The following DNAH10 variants were observed in gnomAD, a reference collection of about 807,000 sequenced individuals.
The protein encoded by DNAH10 is dynein axonemal heavy chain 10.
A neutral mutation model predicts 506.6 loss-of-function variants in DNAH10; 348 were observed. The ratio of observed to expected loss-of-function variants is 0.69; its 90% CI spans 0.63 to 0.75. DNAH10 has a LOEUF of 0.75. Among genes scored for constraint, DNAH10 ranks in the 30% least tolerant of loss-of-function variants. The pLI, the probability that DNAH10 is intolerant of heterozygous loss-of-function variation, is 0.00. For synonymous variants in DNAH10, 2,059 were observed against 2,198.6 expected (o/e 0.94, Z 1.78); for missense variants, 5,179 against 5,787.1 (o/e 0.89, Z 3.41).
At chr12:123,927,618 T>G (rs1268174179) in intron 69 of DNAH10, 1 of 152,410 alleles carries the variant, frequency 6.6e-6, no homozygotes, top group East Asian at 1.9e-4. Flanking sequence ...TTCAGTACAA[T>G]GTGGGACAAA....
chr12:123,814,061 T>C (rs1169469894), intron 21 of DNAH10, 149 bp downstream of exon 21: 1 of 685,618 alleles, frequency 1.5e-6, no homozygotes, highest in East Asian at 3.0e-5. Flanking sequence ...GCAATGCCAC[T>C]GTTATTTAGA....
At position 123,841,198 on chromosome 12, in the gene DNAH10, G is replaced by A. The variant is rs918562144; in HGVS notation, c.5137-124G>A. On this transcript the variant is annotated intron_variant, in intron 29 of 78. Coordinates refer to ENST00000673944, the MANE Select transcript of DNAH10 (RefSeq NM_001372106.1). ...GGTGAACGACATCCATCTTGCCTGC[G>A]ATCTCGGCTCACCGGTTGCCATTGC... 1.5e-5 allele frequency: 14 copies of A among 960,852 alleles called. No individual in the cohort carries two copies. The East Asian group carries it at 1.9e-4, about 13-fold the overall frequency. 59.5% of individuals were successfully genotyped at this position (960,852 alleles called of 1,614,324 possible).
intron 5 of DNAH10, among the ~76,000 whole-genome samples, chr12:123,779,035 G>T (rs1302314375): frequency 6.6e-6 from 1 of 152,006 alleles, no homozygotes; most frequent in Non-Finnish European, 1.5e-5. Context: ...GAGTAGCTGG[G>T]ACTAGAGAGA....
At position 123,918,687 on chromosome 12, in the gene DNAH10, A is replaced by G; in HGVS notation, c.11244A>G (p.Lys3748=). Residue 3748 remains lysine, a synonymous_variant, in exon 65 of 79, where the codon AAA becomes AAG. Coordinates refer to ENST00000673944, the MANE Select transcript of DNAH10 (RefSeq NM_001372106.1). ...TKSKATEVSE[K]LKLAEKTALD... ...GTGCTTTTCTTCAGGTCTCAGAGAA[A>G]CTCAAGCTGGCGGAGAAGACAGCCT... 1 of 1,553,720 alleles carries G rather than the reference A, an allele frequency of 6.4e-7. No homozygotes were observed. Among genetic ancestry groups the G allele is most frequent in the African/African-American group, 1.4e-5 (1 of 73,370 alleles).
rs551803462 is a variant in DNAH10 at position 123,923,801 on chromosome 12, A to G, written c.11545A>G (p.Met3849Val). Residue 3849 changes from methionine (M) to valine (V), a missense_variant, in exon 66 of 79, where the codon ATG becomes GTG. Around this residue, in one of 3 missense-constraint regions of DNAH10, gnomAD observed 4,844 missense variants for 5,430.5 expected, o/e 0.89. Transcript: ENST00000673944. ...GCACAAGCTACTCTTTTCTTTTAAT[A>G]TGACCATCAAGATAGAACAAGCAGA... ...ERHKLLFSFN[M>V]TIKIEQAEGR... 4 of 1,612,798 alleles carry G rather than the reference A, an allele frequency of 2.5e-6. No individual in the cohort carries two copies. In the East Asian group the frequency reaches 6.7e-5, roughly 27 times the overall value.
At position 123,919,073 on chromosome 12, in the gene DNAH10, CTTTCTTTT is replaced by C. The variant is rs1395691671; in HGVS notation, c.11506+126_11506+133del. 7.2e-6 allele frequency: 9 copies of C among 1,244,142 alleles called. No individual in the cohort carries two copies. The African/African-American group carries it at 1.4e-4, about 19-fold the overall frequency. 77.1% of individuals were successfully genotyped at this position (1,244,142 alleles called of 1,614,324 possible). On this transcript the variant is annotated intron_variant, in intron 65 of 78. Coordinates refer to ENST00000673944, the MANE Select transcript of DNAH10 (RefSeq NM_001372106.1). This position sits in a 1 kb window ranked among gnomAD's most constrained non-coding sequence, Gnocchi z 4.9. ...AGCATTTTTTCTTTTTTCTTTCTTT[CTTTCTTTT>C]TCTTTTTTTTTTGAGATAGGGTCTT...
chr12:123,909,979 C>T lies in DNAH10; in HGVS notation c.9997+537C>T, dbSNP rs557527029. The stretch of plus-strand genomic sequence containing the variant: ...TGACCCTGCCCAGTGCTCAGCCAGG[C>T]GGTGATAGTGTAATGGTGTTAGTCT... On this transcript the variant is annotated intron_variant, in intron 58 of 78. Transcript: ENST00000673944. The surrounding 1 kb of genome is among the most constrained non-coding windows in gnomAD (Gnocchi z 5.4). Among the ~76,000 whole-genome samples the T allele has an allele frequency of 6.6e-6, 1 of 152,298 alleles. No homozygotes were observed. Among genetic ancestry groups the T allele is most frequent in the South Asian group, 2.1e-4 (1 of 4,818 alleles).
chr12:123,868,176 G>A, intron 43 of DNAH10, 57 bp downstream of exon 43: 1 of 1,452,212 alleles, frequency 6.9e-7, no homozygotes, highest in South Asian at 1.3e-5. Flanking sequence ...TAAATTTCTA[G>A]AGGAAGTGAA....
At chr12:123,869,110 T>C (rs1922258) in intron 43 of DNAH10, among the ~76,000 whole-genome samples, 83,105 of 152,020 alleles carry the variant, frequency 0.55, 23,396 homozygotes, top group African/African-American at 0.67. Context: ...AGCATACGCT[T>C]GACGGTGATC....
chr12:123,889,404 G>A (rs895319013), intron 52 of DNAH10, among the ~76,000 whole-genome samples: 1 of 152,208 alleles, frequency 6.6e-6, no homozygotes, highest in Non-Finnish European at 1.5e-5. Flanking sequence ...GGGGGATCGG[G>A]TCATCCACCT....
In DNAH10 at chr12:123,928,143, G is replaced by C; in HGVS notation, c.12106-244G>C. On this transcript the variant is annotated intron_variant, in intron 69 of 78. Transcript: ENST00000673944. This position sits in a 1 kb window ranked among gnomAD's most constrained non-coding sequence, Gnocchi z 4.9. ...GACTTCCAGGGCCAGGGAGGCAGAT[G>C]AGTGCAAAATGCTCACCCATCTTCC... is the stretch of plus-strand genomic sequence containing the variant. 1 of 586,582 alleles carries C rather than the reference G, an allele frequency of 1.7e-6. No homozygotes were observed. Among genetic ancestry groups the C allele is most frequent in the South Asian group, 2.1e-5 (1 of 48,396 alleles). The allele number at this position is 586,582 out of a possible 1,614,324, so 36.3% of individuals were successfully genotyped here. A position where few individuals can be genotyped will look rare whatever the true frequency, so the allele number is the denominator to read the frequency against.
At chr12:123,816,030 C>G (rs919763017) in intron 21 of DNAH10, among the ~76,000 whole-genome samples, 1 of 152,280 alleles carries the variant, frequency 6.6e-6, no homozygotes, top group African/African-American at 2.4e-5. Flanking sequence ...TGACAAAAGA[C>G]CAATGACTGT....
At chr12:123,784,784 CT>C (rs1957788515) in intron 8 of DNAH10, among the ~76,000 whole-genome samples, 1 of 152,198 alleles carries the variant, frequency 6.6e-6, no homozygotes, top group Non-Finnish European at 1.5e-5. Context: ...TGCTTTCTGT[CT>C]TTGTAAATCT....
At position 123,808,833 on chromosome 12, in the gene DNAH10, T is replaced by C. The variant is rs1958815433; in HGVS notation, c.3024T>C (p.Asn1008=). 1.2e-6 allele frequency: 2 copies of C among 1,614,142 alleles called. No homozygotes were observed. Among genetic ancestry groups the C allele is most frequent in the Non-Finnish European group, 1.7e-6 (2 of 1,180,018 alleles). The stretch of plus-strand genomic sequence containing the variant: ...CTTTTAATTCTTTGATCCTTGGAAA[T>C]GTCCCTCTGTTCCACACTGAAACCA... ...LQSFNSLILG[N]VPLFHTETIL... is the part of the protein sequence containing the mutation. Residue 1008 remains asparagine, a synonymous_variant, in exon 19 of 79, where the codon AAT becomes AAC. Coordinates refer to ENST00000673944, the MANE Select transcript of DNAH10 (RefSeq NM_001372106.1).
At chr12:123,873,012 G>T (rs1415522155) in intron 45 of DNAH10, among the ~76,000 whole-genome samples, 1 of 152,222 alleles carries the variant, frequency 6.6e-6, no homozygotes, top group South Asian at 2.1e-4. Flanking sequence ...CATCCAGGGG[G>T]CTTCCCTCAC....
At chr12:123,923,556 T>A (rs1954818504) in intron 65 of DNAH10, 1 of 462,980 alleles carries the variant, frequency 2.2e-6, no homozygotes, top group Non-Finnish European at 3.8e-6. Context: ...CAGGAGCATG[T>A]CACTACAGAC....
intron 5 of DNAH10, among the ~76,000 whole-genome samples, chr12:123,776,183 G>A (rs1302262553): frequency 6.6e-6 from 1 of 152,094 alleles, no homozygotes; most frequent in Non-Finnish European, 1.5e-5. Context: ...ACCACATCAA[G>A]GGTGATGGTT....
chr12:123,902,641 G>A lies in DNAH10; in HGVS notation c.9641-298G>A, dbSNP rs1594330870. ...CCCAGCATCCTCACTGAACACCGGCGAGGCAGGGCTGGGGGCTATCAGGAG... is the reference window on the plus strand; with the variant it reads ...CCCAGCATCCTCACTGAACACCGGCAAGGCAGGGCTGGGGGCTATCAGGAG... On this transcript the variant is annotated intron_variant, in intron 56 of 78. Coordinates refer to ENST00000673944, the MANE Select transcript of DNAH10 (RefSeq NM_001372106.1). The surrounding 1 kb of genome is among the most constrained non-coding windows in gnomAD (Gnocchi z 4.5). Among the ~76,000 whole-genome samples the A allele has an allele frequency of 6.6e-6, 1 of 152,310 alleles. No individual in the cohort carries two copies. The highest frequency in any genetic ancestry group is 2.4e-5 in the African/African-American group (1 of 41,568).
chr12:123,830,613 A>C lies in DNAH10; in HGVS notation c.4459A>C (p.Asn1487His), dbSNP rs761679705. The C allele has an allele frequency of 1.2e-6, 2 of 1,613,830 alleles. No homozygotes were observed. The highest frequency in any genetic ancestry group is 2.7e-5 in the African/African-American group (2 of 74,930). Reference protein sequence around the residue: ...FEMTETFTLENMFAMELHKHT... With the variant: ...FEMTETFTLEHMFAMELHKHT... ...AATGACCGAAACGTTCACCTTGGAA[A>C]ATATGTTTGCTATGGAACTGCACAA... Residue 1487 changes from asparagine to histidine, a missense_variant, in exon 26 of 79, where the codon AAT becomes CAT. Physicochemically the swap from Asn to His is moderately conservative, Grantham distance 68. Around this residue, in one of 3 missense-constraint regions of DNAH10, gnomAD observed 4,844 missense variants for 5,430.5 expected, o/e 0.89. Transcript: ENST00000673944.
Sources: allele counts gnomAD v4.1 joint callset (sites outside exome capture counted in the v4.1 genomes callset), GRCh38; gene constraint gnomAD v4.1.1; regional missense constraint gnomAD v4.1.1; non-coding constraint Gnocchi (gnomAD v3.1); transcripts MANE v1.5; gene names NCBI Gene and HGNC (gene_info 2026-07-23, HGNC 2026-07-21).